Variants in MACROD2 observed in about 807,000 individuals in gnomAD.
MACROD2 encodes the protein ADP-ribose glycohydrolase MACROD2.
MACROD2 carries 36 observed loss-of-function variants against 70.4 expected under a neutral mutation model. The ratio of observed to expected loss-of-function variants is 0.51; its 90% CI spans 0.39 to 0.68. MACROD2 has a LOEUF of 0.68. Among genes scored for constraint, MACROD2 ranks in the 30% least tolerant of loss-of-function variants. The pLI is 0.00. For missense variants in MACROD2, 496 were observed against 538.4 expected (o/e 0.92, Z 0.78); for synonymous variants, 172 against 178.8 (o/e 0.96, Z 0.30).
At chr20:15,132,234 G>C (rs150246290) in intron 5 of MACROD2, among the ~76,000 whole-genome samples, 1,960 of 152,026 alleles carry the variant, frequency 0.013, 23 homozygotes, top group South Asian at 0.027. Context: ...AAAGTTTTCA[G>C]CTGCAGGAAA....
chr20:15,508,759 A>T (rs1449366159), intron 8 of MACROD2, among the ~76,000 whole-genome samples: 1 of 152,168 alleles, frequency 6.6e-6, no homozygotes, highest in South Asian at 2.1e-4. Flanking sequence ...GGAATAAAAA[A>T]TGGTGGTGAA....
chr20:14,333,882 T>C (rs1408226113), intron 3 of MACROD2, among the ~76,000 whole-genome samples: 1 of 152,196 alleles, frequency 6.6e-6, no homozygotes, highest in Non-Finnish European at 1.5e-5. Context: ...ACTTTAAAAA[T>C]GGTTTTTAAC....
intron 5 of MACROD2, among the ~76,000 whole-genome samples, chr20:15,192,365 A>G (rs2076578012): frequency 6.6e-6 from 1 of 152,252 alleles, no homozygotes; most frequent in Non-Finnish European, 1.5e-5. Context: ...AAGAACAAGT[A>G]CAACGGAACA....
intron 5 of MACROD2, among the ~76,000 whole-genome samples, chr20:15,206,066 TTG>T (rs536118588): frequency 1.3e-5 from 2 of 151,456 alleles, no homozygotes; most frequent in African/African-American, 4.8e-5. Context: ...CCCCTTTGCC[TTG>T]TGTGTGTGTG....
At chr20:15,251,384 G>T (rs1358369899) in intron 6 of MACROD2, among the ~76,000 whole-genome samples, 1 of 152,174 alleles carries the variant, frequency 6.6e-6, no homozygotes, top group East Asian at 1.9e-4. Flanking sequence ...AATAAACATG[G>T]AGTGTATTGT....
intron 12 of MACROD2, among the ~76,000 whole-genome samples, chr20:15,941,560 C>G (rs527344787): frequency 6.6e-6 from 1 of 152,124 alleles, no homozygotes; most frequent in Non-Finnish European, 1.5e-5. Flanking sequence ...CAGTCATATG[C>G]GTGGAGGATT....
chr20:14,106,555 G>T (rs2148682230), intron 3 of MACROD2, among the ~76,000 whole-genome samples: 1 of 152,304 alleles, frequency 6.6e-6, no homozygotes, highest in East Asian at 1.9e-4. Context: ...CCTGCTGATT[G>T]TAGAGTACTA....
At chr20:15,836,581 C>G (rs1220698423) in intron 8 of MACROD2, among the ~76,000 whole-genome samples, 1 of 152,154 alleles carries the variant, frequency 6.6e-6, no homozygotes, top group Non-Finnish European at 1.5e-5. Flanking sequence ...GAATACGCAG[C>G]TCAATTTTAA....
intron 3 of MACROD2, among the ~76,000 whole-genome samples, chr20:14,313,891 C>T (rs1002926071): frequency 3.9e-5 from 6 of 152,166 alleles, no homozygotes; most frequent in African/African-American, 1.4e-4. Context: ...TTGCAACATG[C>T]TGTTATAGTT....
chr20:15,991,733 C>T (rs2066561874), intron 15 of MACROD2, among the ~76,000 whole-genome samples: 1 of 152,122 alleles, frequency 6.6e-6, no homozygotes, highest in African/African-American at 2.4e-5. Context: ...GCAGCACAAT[C>T]ATTTAGTTTT....
chr20:15,492,432 A>G (rs1009196640), intron 7 of MACROD2, among the ~76,000 whole-genome samples: 1 of 152,098 alleles, frequency 6.6e-6, no homozygotes, highest in Admixed American at 6.5e-5. Flanking sequence ...AAATAACAAC[A>G]CACAATGCAT....
rs1439766382 is a variant in MACROD2 at position 14,348,769 on chromosome 20, A to G, written c.272-144710A>G. On this transcript the variant is annotated intron_variant, in intron 3 of 17. Coordinates refer to ENST00000684519, the MANE Select transcript of MACROD2 (RefSeq NM_001351661.2). ...ATATATGCATTTTTTAACTGTAAGA[A>G]ATGAACTGACCACTACTGTCTATTT... Among the ~76,000 whole-genome samples the G allele has an allele frequency of 2.0e-5, 3 of 152,262 alleles. No individual in the cohort carries two copies. In the East Asian group the frequency reaches 5.8e-4, roughly 29 times the overall value.
chr20:15,984,022 G>A, intron 13 of MACROD2, among the ~76,000 whole-genome samples: 1 of 152,044 alleles, frequency 6.6e-6, no homozygotes, highest in East Asian at 1.9e-4. Context: ...TTTTATATTA[G>A]TGTGTTATTA....
At chr20:15,081,850 C>A (rs1170203088) in intron 5 of MACROD2, among the ~76,000 whole-genome samples, 1 of 152,098 alleles carries the variant, frequency 6.6e-6, no homozygotes, top group Non-Finnish European at 1.5e-5. Context: ...ATACTTGGTA[C>A]CTTAAACCAT....
intron 5 of MACROD2, among the ~76,000 whole-genome samples, chr20:15,104,277 C>A (rs1216434874): frequency 6.6e-6 from 1 of 152,046 alleles, no homozygotes; most frequent in Non-Finnish European, 1.5e-5. Flanking sequence ...AGGATAAGTT[C>A]TTTGCATTTC....
At chr20:14,151,720 G>A (rs2055023677) in intron 3 of MACROD2, among the ~76,000 whole-genome samples, 2 of 150,040 alleles carry the variant, frequency 1.3e-5, no homozygotes, top group Admixed American at 6.6e-5. Context: ...CTCCAAAGCT[G>A]ATTCCAGGAT....
chr20:14,689,781 T>C (rs2071041873), intron 5 of MACROD2, among the ~76,000 whole-genome samples: 1 of 152,210 alleles, frequency 6.6e-6, no homozygotes, highest in Non-Finnish European at 1.5e-5. Flanking sequence ...CTGAGGGCAC[T>C]TGTCACGTGC....
intron 3 of MACROD2, among the ~76,000 whole-genome samples, chr20:14,363,851 A>G (rs1025838055): frequency 1.7e-5 from 2 of 116,156 alleles, no homozygotes; most frequent in Admixed American, 8.6e-5. Context: ...AAAAAAAAAT[A>G]AGATTATAAG....
At chr20:15,292,986 T>A (rs2077554602) in intron 6 of MACROD2, among the ~76,000 whole-genome samples, 1 of 152,164 alleles carries the variant, frequency 6.6e-6, no homozygotes, top group Non-Finnish European at 1.5e-5. Context: ...ATTTCCTGCT[T>A]CCATACCATG....
Sources: allele counts gnomAD v4.1 joint callset (sites outside exome capture counted in the v4.1 genomes callset), GRCh38; gene constraint gnomAD v4.1.1; transcripts MANE v1.5; gene names NCBI Gene and HGNC (gene_info 2026-07-23, HGNC 2026-07-21).